Variants in ANK2 observed in about 807,000 individuals in gnomAD.
The protein encoded by ANK2 is ankyrin 2.
In ANK2, 83 loss-of-function variants were observed where a neutral mutation model predicts 360.5. The ratio of observed to expected loss-of-function variants is 0.23; its 90% CI spans 0.19 to 0.28. The LOEUF is 0.28. ANK2 is among the 10% of genes least tolerant of loss of function. ANK2 has a pLI of 1.00. For synonymous variants in ANK2, 1,740 were observed against 1,759.5 expected, an observed-to-expected ratio of 0.99 and a Z score of 0.28; for missense variants, 4,201 against 4,795.7, an observed-to-expected ratio of 0.88 and a Z score of 3.66.
chr4:112,809,679 C>T, the ANK2 span, among the ~76,000 whole-genome samples: 5 of 150,774 alleles, frequency 3.3e-5, no homozygotes, highest in African/African-American at 7.3e-5. Flanking sequence ...CCCAGGAGTT[C>T]GAGACCAGTC....
the ANK2 span, among the ~76,000 whole-genome samples, chr4:112,749,579 C>T: frequency 1.3e-5 from 2 of 152,102 alleles, no homozygotes; most frequent in African/African-American, 4.8e-5. Context: ...AGATGGTCTC[C>T]TACTGAATAG....
chr4:113,170,488 C>T (rs752062973), intron 1 of ANK2, among the ~76,000 whole-genome samples: 3 of 152,028 alleles, frequency 2.0e-5, no homozygotes, highest in Non-Finnish European at 4.4e-5. Context: ...AGACATATAC[C>T]GAAGTTATAT....
chr4:112,760,261 A>G, the ANK2 span, among the ~76,000 whole-genome samples: 2 of 147,686 alleles, frequency 1.4e-5, no homozygotes, highest in Non-Finnish European at 3.0e-5. Flanking sequence ...ATATCGGCTC[A>G]CTGCAAGCTC....
At position 113,053,696 on chromosome 4, in the gene ANK2, C is replaced by T. The variant is rs989658510; in HGVS notation, c.84+3884C>T. On this transcript the variant is annotated intron_variant, in intron 1 of 45. Coordinates refer to ENST00000357077, the MANE Select transcript of ANK2 (RefSeq NM_001148.6). ...GCAGCATCAACCCACCTGGCTCAAG[C>T]GATCTTCCTGCCTCAGCCTCCCTTG... is the stretch of plus-strand genomic sequence containing the variant. Among the ~76,000 whole-genome samples the T allele has an allele frequency of 3.9e-5, 6 of 152,220 alleles. No homozygotes were observed. The East Asian group carries it at 7.7e-4, about 20-fold the overall frequency.
chr4:113,316,780 C>T (rs553422520), intron 24 of ANK2, among the ~76,000 whole-genome samples: 1 of 152,158 alleles, frequency 6.6e-6, no homozygotes, highest in Non-Finnish European at 1.5e-5. Context: ...ATGCAAATGT[C>T]AAGTTTTACC....
At chr4:113,005,115 C>T (rs1270174574) in intron 2 of ANK2, among the ~76,000 whole-genome samples, 1 of 152,074 alleles carries the variant, frequency 6.6e-6, no homozygotes, top group African/African-American at 2.4e-5. Context: ...AATAAGAAAT[C>T]AGGGAGAAAT....
At chr4:113,083,396 A>G (rs2083222426) in intron 1 of ANK2, among the ~76,000 whole-genome samples, 1 of 152,072 alleles carries the variant, frequency 6.6e-6, no homozygotes, top group South Asian at 2.1e-4. Context: ...GTTGGTCTCA[A>G]ACTTTTGGGC....
At chr4:112,912,488 G>A (rs865802631) in intron 2 of ANK2, among the ~76,000 whole-genome samples, 1 of 151,816 alleles carries the variant, frequency 6.6e-6, no homozygotes. Flanking sequence ...GTGGGGTAAG[G>A]GGTGGTGTAT....
In ANK2 at chr4:113,334,958, G is replaced by A. The variant is rs996690839; in HGVS notation, c.3380-888G>A. ...TTCAATCATGTGGAATCAGATCCTGGGACTTTTTACTTTTACTATCTAGCT... is the reference window on the plus strand; with the variant it reads ...TTCAATCATGTGGAATCAGATCCTGAGACTTTTTACTTTTACTATCTAGCT... On this transcript the variant is annotated intron_variant, in intron 29 of 45. Transcript: ENST00000357077. Among the ~76,000 whole-genome samples the A allele has an allele frequency of 2.6e-4, 40 of 151,680 alleles. 1 individual carries two copies. Among genetic ancestry groups the A allele is most frequent in the Non-Finnish European group, 5.4e-4 (37 of 67,902 alleles).
At chr4:112,749,795 G>A in the ANK2 span, among the ~76,000 whole-genome samples, 3 of 152,082 alleles carry the variant, frequency 2.0e-5, no homozygotes, top group African/African-American at 7.2e-5. Context: ...CACCAGGCTG[G>A]AGTGCAGTGG....
chr4:112,744,827 CT>C, the ANK2 span, among the ~76,000 whole-genome samples: 1 of 152,204 alleles, frequency 6.6e-6, no homozygotes, highest in South Asian at 2.1e-4. Flanking sequence ...TCATTTTTGT[CT>C]TTCCCAATAT....
At chr4:113,364,681 G>A (rs1230171487) in intron 40 of ANK2, among the ~76,000 whole-genome samples, 1 of 152,108 alleles carries the variant, frequency 6.6e-6, no homozygotes, top group Non-Finnish European at 1.5e-5. Context: ...ACAGAAGGGT[G>A]CCCAGTTAAA....
At chr4:113,119,400 CAT>C (rs950931149) in intron 1 of ANK2, among the ~76,000 whole-genome samples, 4 of 148,166 alleles carry the variant, frequency 2.7e-5, no homozygotes, top group South Asian at 2.2e-4. Flanking sequence ...ACCACACACA[CAT>C]AAGCACTGAA....
chr4:112,880,993 A>G (rs1226020708), intron 1 of ANK2: 1 of 152,236 alleles, frequency 6.6e-6, no homozygotes, highest in Non-Finnish European at 1.5e-5. Flanking sequence ...AATGATGACT[A>G]TGCTTCTTAC....
At chr4:113,362,140 G>A (rs2096261322) in intron 39 of ANK2, among the ~76,000 whole-genome samples, 1 of 152,068 alleles carries the variant, frequency 6.6e-6, no homozygotes, top group South Asian at 2.1e-4. Flanking sequence ...TTTTAAGTGG[G>A]TATTTAATTC....
chr4:113,076,330 A>G (rs2079953970), intron 1 of ANK2, among the ~76,000 whole-genome samples: 1 of 152,238 alleles, frequency 6.6e-6, no homozygotes, highest in South Asian at 2.1e-4. Flanking sequence ...TTGCTAAGGC[A>G]TTGTATTCTT....
chr4:113,065,811 A>G (rs2075364484), intron 1 of ANK2, among the ~76,000 whole-genome samples: 1 of 152,232 alleles, frequency 6.6e-6, no homozygotes, highest in African/African-American at 2.4e-5. Context: ...CAACGTTATT[A>G]CACAAAAGCT....
chr4:112,982,145 A>T (rs973087813), intron 2 of ANK2, among the ~76,000 whole-genome samples: 2 of 152,198 alleles, frequency 1.3e-5, no homozygotes, highest in Non-Finnish European at 2.9e-5. Flanking sequence ...CCTGTGAATT[A>T]AAAAAGAGTT....
intron 1 of ANK2, among the ~76,000 whole-genome samples, chr4:112,869,053 T>C (rs1218874762): frequency 6.6e-6 from 1 of 152,052 alleles, no homozygotes; most frequent in African/African-American, 2.4e-5. Flanking sequence ...CTCCAATTTC[T>C]GGGTTCAAGC....
Sources: allele counts gnomAD v4.1 joint callset (sites outside exome capture counted in the v4.1 genomes callset), GRCh38; gene constraint gnomAD v4.1.1; transcripts MANE v1.5; gene names NCBI Gene and HGNC (gene_info 2026-07-23, HGNC 2026-07-21).